The following RGP1 variants were observed in gnomAD, a reference collection of about 807,000 sequenced individuals.
RGP1 encodes the protein RGP1 partner of RAB6A GEF complex.
RGP1 carries 28 observed loss-of-function variants against 44.5 expected under a neutral mutation model. The ratio of observed to expected loss-of-function variants is 0.63; its 90% confidence interval spans 0.47 to 0.86. RGP1 has a LOEUF of 0.86. RGP1 is among the 40% of genes least tolerant of loss of function. RGP1 has a pLI of 0.00. For missense variants in RGP1, 417 were observed against 490.7 expected, an observed-to-expected ratio of 0.85 and a Z score of 1.42; for synonymous variants, 212 against 196.7, an observed-to-expected ratio of 1.08 and a Z score of -0.65.
At chr9:35,789,535 T>C in the RGP1 span, among the ~76,000 whole-genome samples, 1 of 151,516 alleles carries the variant, frequency 6.6e-6, no homozygotes, top group Non-Finnish European at 1.5e-5. Flanking sequence ...CCTTCCTACT[T>C]TCTAGTTAAC....
Position 35,751,358 on chromosome 9 carries a change from C to T in RGP1, c.580C>T (p.Leu194=). 6.2e-7 allele frequency: 1 copy of T among 1,614,022 alleles called. No homozygotes were observed. Residue 194 remains leucine (L), a synonymous_variant, in exon 6 of 9, where the codon CTA becomes TTA. Transcript: ENST00000378078. ...EDEGGKKDSW[L]AELAGERLMA... ...TGAAGGTGGGAAGAAAGATTCATGG[C>T]TAGCTGAGCTGGCTGGGGAACGCCT...
At chr9:35,770,130 T>C in the RGP1 span, among the ~76,000 whole-genome samples, 1 of 152,132 alleles carries the variant, frequency 6.6e-6, no homozygotes, top group Non-Finnish European at 1.5e-5. Flanking sequence ...TTGAACTGCA[T>C]AGGGTAGAGG....
At chr9:35,790,318 T>C in the RGP1 span, 1 of 153,814 alleles carries the variant, frequency 6.5e-6, no homozygotes, top group Non-Finnish European at 1.5e-5. Context: ...GCCCCAGGGA[T>C]TGCAAATGCA....
the RGP1 span, among the ~76,000 whole-genome samples, chr9:35,766,123 C>A: frequency 1.4e-5 from 2 of 147,068 alleles, no homozygotes; most frequent in African/African-American, 5.1e-5. Context: ...AGCCACCGTG[C>A]CGGCCTTAGT....
chr9:35,752,849 C>G lies in RGP1; in HGVS notation c.1151C>G (p.Pro384Arg). The G allele has an allele frequency of 6.2e-7, 1 of 1,613,724 alleles. No individual in the cohort carries two copies. Among genetic ancestry groups the G allele is most frequent in the Non-Finnish European group, 8.5e-7 (1 of 1,179,822 alleles). The change falls in exon 9 of 9, where the codon CCC (proline) becomes CGC (arginine). Residue 384 changes from proline (P) to arginine (R), a missense_variant. Transcript: ENST00000378078. ...CTGGCCTCATATGCTGCCCCAGGCC[C>G]CAGCACCAGCACCATAACCATCTGA... ...PTLASYAAPGPSTSTITI is the reference protein window; with the variant it reads ...PTLASYAAPGRSTSTITI
In RGP1 at chr9:35,751,858, G is replaced by A. The variant is rs1188343312; in HGVS notation, c.763-98G>A. 2.5e-6 allele frequency: 4 copies of A among 1,569,108 alleles called. No homozygotes were observed. In the East Asian group the frequency reaches 6.7e-5, roughly 26 times the overall value. ...GTGGCATGTAGAAGGGGATAGTGGG[G>A]TCATCCAGGGTCCCTTTGTAAAACA... On this transcript the variant is annotated intron_variant, in intron 7 of 8. Coordinates refer to ENST00000378078, the MANE Select transcript of RGP1 (RefSeq NM_001080496.3).
chr9:35,770,637 C>T, the RGP1 span, among the ~76,000 whole-genome samples: 1 of 151,938 alleles, frequency 6.6e-6, no homozygotes, highest in African/African-American at 2.4e-5. Flanking sequence ...TGAGAAAGAG[C>T]TGCCAGCTGG....
In RGP1 at chr9:35,751,964, C is replaced by A; in HGVS notation, c.771C>A (p.Val257=). The A allele has an allele frequency of 6.4e-7, 1 of 1,569,510 alleles. No homozygotes were observed. The highest frequency in any genetic ancestry group is 1.2e-5 in the South Asian group (1 of 83,656). Residue 257 remains valine (V), a synonymous_variant, in exon 8 of 9, where the codon GTC becomes GTA. Transcript: ENST00000378078. ...CTGTCTCTTGCTCCCAGTTTTCAGTCAGCTTACAGACCGAGGAGCGTGTAC... is the reference window on the plus strand; with the variant it reads ...CTGTCTCTTGCTCCCAGTTTTCAGTAAGCTTACAGACCGAGGAGCGTGTAC... ...EGTVACLQFS[V]SLQTEERVQP...
the RGP1 span, chr9:35,772,338 GA>G: frequency 1.3e-5 from 2 of 152,190 alleles, no homozygotes; most frequent in Non-Finnish European, 2.9e-5. Flanking sequence ...TATTGAGATG[GA>G]AGGATGACTA....
At chr9:35,750,571 C>A in intron 3 of RGP1, 87 bp from the exon 4 acceptor site, 1 of 1,449,008 alleles carries the variant, frequency 6.9e-7, no homozygotes, top group Non-Finnish European at 9.6e-7. Context: ...GAGGGCCTGG[C>A]AGCCTTTCAC....
the RGP1 span, among the ~76,000 whole-genome samples, chr9:35,766,467 G>T: frequency 3.3e-5 from 5 of 152,268 alleles, no homozygotes; most frequent in Admixed American, 1.3e-4. Context: ...TTGAGGAGCA[G>T]AAGTTTTAAA....
At position 35,757,917 on chromosome 9, in the gene RGP1, TAAAA is replaced by T. The variant is rs1237918276; in HGVS notation, c.*5047_*5050del. On this transcript the variant is annotated 3_prime_UTR_variant, in exon 9 of 9. Transcript: ENST00000378078. ...AGTAATTTTGGTGGATTTTTAAAAATAAAAAAATAAAAATAGAAAAGTTGCACAA... is the reference window on the plus strand; with the variant it reads ...AGTAATTTTGGTGGATTTTTAAAAATAAATAAAAATAGAAAAGTTGCACAA... 6.6e-6 allele frequency: 1 copy of T among 152,182 alleles called. No homozygotes were observed. Among genetic ancestry groups the T allele is most frequent in the East Asian group, 1.9e-4 (1 of 5,204 alleles). The allele number at this position is 152,182 out of a possible 1,614,324, so 9.4% of individuals were successfully genotyped here.
At chr9:35,786,129 A>C in the RGP1 span, among the ~76,000 whole-genome samples, 3 of 152,246 alleles carry the variant, frequency 2.0e-5, no homozygotes, top group Non-Finnish European at 4.4e-5. Context: ...CAGAAGATTA[A>C]AATAGTGACT....
chr9:35,764,247 AT>A, the RGP1 span, among the ~76,000 whole-genome samples: 1 of 152,200 alleles, frequency 6.6e-6, no homozygotes, highest in African/African-American at 2.4e-5. Flanking sequence ...ACTTGGTCTG[AT>A]TTTTAAAAAT....
In RGP1 at chr9:35,749,311, A is replaced by ACGCCGCCGC. The variant is rs567841671; in HGVS notation, c.-101_-93dup. On this transcript the variant is annotated 5_prime_UTR_variant, in exon 1 of 9. Transcript: ENST00000378078. This position sits in a 1 kb window ranked among gnomAD's most constrained non-coding sequence, Gnocchi z 4.4. ...AAGTCCCGCCTCTACCGCCCAGCGG[A>ACGCCGCCGC]CGCCGCCGCCGCCGCCGCCGCCGCG... 3.3e-5 allele frequency: 17 copies of ACGCCGCCGC among 521,022 alleles called. No homozygotes were observed. Among genetic ancestry groups the ACGCCGCCGC allele is most frequent in the South Asian group, 8.6e-5 (6 of 70,146 alleles). 32.3% of individuals were successfully genotyped at this position (521,022 alleles called of 1,614,324 possible).
chr9:35,749,463 G>A lies in RGP1; in HGVS notation c.-20+55G>A. ...ACGTGGAACTTTGAGGAAAGGGGGA[G>A]CGGAGGCCAGTTTGGGAACTCCGCG... On this transcript the variant is annotated intron_variant, in intron 1 of 8. Transcript: ENST00000378078. This position sits in a 1 kb window ranked among gnomAD's most constrained non-coding sequence, Gnocchi z 4.4. 1 of 625,108 alleles carries A rather than the reference G, an allele frequency of 1.6e-6. No individual in the cohort carries two copies. The highest frequency in any genetic ancestry group is 3.8e-5 in the East Asian group (1 of 26,376). The allele number at this position is 625,108 out of a possible 1,614,324, so 38.7% of individuals were successfully genotyped here. A position where few individuals can be genotyped will look rare whatever the true frequency, so the allele number is the denominator to read the frequency against.
chr9:35,766,593 T>C, the RGP1 span, among the ~76,000 whole-genome samples: 1 of 152,216 alleles, frequency 6.6e-6, no homozygotes, highest in East Asian at 1.9e-4. Context: ...CATTTTCTCC[T>C]ATATCTAAAA....
the RGP1 span, among the ~76,000 whole-genome samples, chr9:35,787,194 C>A: frequency 6.6e-6 from 1 of 151,058 alleles, no homozygotes; most frequent in South Asian, 2.1e-4. Flanking sequence ...AAAGTAAAAA[C>A]CCTTGACCCT....
the RGP1 span, among the ~76,000 whole-genome samples, chr9:35,770,492 GGAGAGAGAGA>G: frequency 7.5e-3 from 804 of 107,094 alleles, 8 homozygotes; most frequent in African/African-American, 0.012. Context: ...GTATTACCAT[GGAGAGAGAGA>G]GAGAGAGAGA....
Sources: gnomAD v4.1 joint callset for allele counts (sites outside exome capture counted in the v4.1 genomes callset) on GRCh38, gnomAD v4.1.1 for gene constraint, Gnocchi (gnomAD v3.1) non-coding constraint, MANE v1.5 for transcripts, NCBI Gene and HGNC (gene_info 2026-07-23, HGNC 2026-07-21) for gene names.